Variants in ANKRD55 observed in about 807,000 individuals in gnomAD.
ANKRD55 encodes the protein ankyrin repeat domain-containing protein 55.
A neutral mutation model predicts 60.6 loss-of-function variants in ANKRD55; 41 were observed. That is an observed-to-expected ratio of 0.68 (90% CI 0.53 to 0.88). The LOEUF (loss-of-function observed/expected upper bound fraction) is 0.88. Ranked by LOEUF, ANKRD55 falls within the 40% of genes least tolerant of loss-of-function variation. ANKRD55 has a pLI of 0.00. For synonymous variants in ANKRD55, 264 were observed against 290.3 expected, an observed-to-expected ratio of 0.91 and a Z score of 0.92; for missense variants, 732 against 767.6, an observed-to-expected ratio of 0.95 and a Z score of 0.55.
chr5:56,138,127 C>CTT (rs70995774), intron 7 of ANKRD55, among the ~76,000 whole-genome samples: 1,475 of 129,806 alleles, frequency 0.011, 25 homozygotes, highest in Admixed American at 0.035. Context: ...GTTTCTTTTT[C>CTT]TTTTTTTTTT....
intron 3 of ANKRD55, among the ~76,000 whole-genome samples, chr5:56,179,219 A>G (rs1758806031): frequency 6.6e-6 from 1 of 152,230 alleles, no homozygotes; most frequent in African/African-American, 2.4e-5. Context: ...AAATTAATCC[A>G]GATCCACTTG....
intron 3 of ANKRD55, among the ~76,000 whole-genome samples, chr5:56,182,843 G>C (rs1442671551): frequency 6.6e-6 from 1 of 152,196 alleles, no homozygotes; most frequent in Non-Finnish European, 1.5e-5. Context: ...ATGGCTTTTT[G>C]TGGTGTTTGG....
chr5:56,176,356 T>C (rs1758740151), intron 3 of ANKRD55, 74 bp from the exon 4 acceptor site: 1 of 1,563,518 alleles, frequency 6.4e-7, no homozygotes, highest in Non-Finnish European at 8.8e-7. Context: ...TATTGGCCTG[T>C]TCATTTATTT....
chr5:56,100,467 ATATCTGT>A (rs1274585550), intron 11 of ANKRD55, among the ~76,000 whole-genome samples, 163 bp from the exon 12 acceptor site: 2 of 152,190 alleles, frequency 1.3e-5, no homozygotes, highest in African/African-American at 2.4e-5. Context: ...TCTTGTATAT[ATATCTGT>A]TCAGGCTTGC....
chr5:56,132,910 A>C (rs1054543036), intron 7 of ANKRD55, among the ~76,000 whole-genome samples: 1 of 152,232 alleles, frequency 6.6e-6, no homozygotes, highest in Non-Finnish European at 1.5e-5. Context: ...AAACAAAGAA[A>C]GTTGTTAGGG....
chr5:56,170,578 A>G, intron 5 of ANKRD55, 116 bp downstream of exon 5: 1 of 829,924 alleles, frequency 1.2e-6, no homozygotes, highest in South Asian at 2.0e-5. Context: ...TTCAAAAAAA[A>G]AAAAAGATGG....
chr5:56,232,646 A>G (rs56122385), intron 2 of ANKRD55, among the ~76,000 whole-genome samples: 101 of 152,278 alleles, frequency 6.6e-4, no homozygotes, highest in South Asian at 1.2e-3. Flanking sequence ...TCAGATGCTT[A>G]TCAAACTAGA....
intron 11 of ANKRD55, among the ~76,000 whole-genome samples, chr5:56,101,398 G>A (rs1756268827): frequency 6.9e-6 from 1 of 144,416 alleles, no homozygotes; most frequent in African/African-American, 2.4e-5. Context: ...TGGAGGGGCT[G>A]TGTGTGTGTG....
chr5:56,159,936 G>A lies in ANKRD55; in HGVS notation c.423-43C>T, dbSNP rs199829079. Reference sequence around the variant, plus strand: ...GAGAAATGGCTCAAAATAACAGGCAGTCACGGTGCTCTTGGAATCGGTATA... The same window carrying A: ...GAGAAATGGCTCAAAATAACAGGCAATCACGGTGCTCTTGGAATCGGTATA... On this transcript the variant is annotated intron_variant, in intron 5 of 11. Transcript: ENST00000341048. 18 of 1,555,780 alleles carry A rather than the reference G, an allele frequency of 1.2e-5. No individual in the cohort carries two copies. The East Asian group carries it at 4.0e-4, about 35-fold the overall frequency.
intron 7 of ANKRD55, among the ~76,000 whole-genome samples, chr5:56,127,841 T>C (rs1757316484): frequency 6.6e-6 from 1 of 152,184 alleles, no homozygotes. Context: ...ACTTTTTCTT[T>C]CTCTTCCTAT....
intron 6 of ANKRD55, among the ~76,000 whole-genome samples, chr5:56,148,648 C>G (rs1388896619): frequency 3.7e-5 from 5 of 135,502 alleles, no homozygotes; most frequent in Non-Finnish European, 8.3e-5. Flanking sequence ...ATCAGCTTCT[C>G]AGAACATTTT....
At position 56,116,769 on chromosome 5, in the gene ANKRD55, A is replaced by G. The variant is rs1756900009; in HGVS notation, c.811T>C (p.Trp271Arg). The G allele has an allele frequency of 1.2e-6, 2 of 1,610,120 alleles. No homozygotes were observed. The highest frequency in any genetic ancestry group is 1.7e-6 in the Non-Finnish European group (2 of 1,178,512). The change falls in exon 9 of 12, where the codon TGG becomes CGG. Residue 271 changes from tryptophan (W) to arginine (R), a missense_variant. Trp to Arg is a moderately radical substitution (Grantham distance 101). Coordinates refer to ENST00000341048, the MANE Select transcript of ANKRD55 (RefSeq NM_024669.3). ...LDVDDRTPLHWAAAAGKAECV... is the reference protein window; with the variant it reads ...LDVDDRTPLHRAAAAGKAECV... ...TCGGCCTTCCCTGCAGCTGCAGCCC[A>G]GTGCAGAGGTGTCCTGGAGGGGCCA...
intron 6 of ANKRD55, among the ~76,000 whole-genome samples, chr5:56,150,749 A>T (rs984689790): frequency 3.9e-5 from 6 of 152,002 alleles, no homozygotes; most frequent in Non-Finnish European, 8.8e-5. Context: ...AAATACAAAA[A>T]TTAGCCACGT....
intron 10 of ANKRD55, among the ~76,000 whole-genome samples, chr5:56,105,715 T>C (rs1756440652): frequency 6.6e-6 from 1 of 152,188 alleles, no homozygotes; most frequent in Non-Finnish European, 1.5e-5. Context: ...TTGCCCAGTT[T>C]AGAACCCTGG....
intron 10 of ANKRD55, among the ~76,000 whole-genome samples, chr5:56,106,519 G>A (rs1269517087): frequency 6.7e-6 from 1 of 148,916 alleles, no homozygotes; most frequent in Non-Finnish European, 1.5e-5. Context: ...TGCCTCCTGA[G>A]TTCAAGCGAT....
rs1554038504 is a variant in ANKRD55, at chr5:56,135,290, G to GCCTT, written c.613-8185_613-8184insAAGG. Among the ~76,000 whole-genome samples, 5 of 69,330 alleles carry GCCTT rather than the reference G, an allele frequency of 7.2e-5. 1 individual carries two copies. Among genetic ancestry groups the GCCTT allele is most frequent in the South Asian group, 1.1e-3 (2 of 1,864 alleles). 45.5% of individuals were successfully genotyped at this position (69,330 alleles called of 152,430 possible). On this transcript the variant is annotated intron_variant, in intron 7 of 11. Transcript: ENST00000341048. ...TCCCTCCCTCCCTCCCTGCCTGCCTGCTTGCTTTCTTTCTTTCTTTCTTTC... is the reference window on the plus strand; with the variant it reads ...TCCCTCCCTCCCTCCCTGCCTGCCTGCCTTCTTGCTTTCTTTCTTTCTTTCTTTC...
intron 2 of ANKRD55, among the ~76,000 whole-genome samples, chr5:56,222,242 A>G (rs891977156): frequency 1.3e-5 from 2 of 152,198 alleles, no homozygotes; most frequent in African/African-American, 2.4e-5. Context: ...CAGAGTCTGG[A>G]GTGGACCTCC....
chr5:56,167,961 T>C (rs1758522380), intron 5 of ANKRD55, among the ~76,000 whole-genome samples: 2 of 152,358 alleles, frequency 1.3e-5, no homozygotes, highest in South Asian at 4.1e-4. Context: ...TAATTTTGAC[T>C]GACAAGGCTT....
chr5:56,159,518 C>T (rs569622532), intron 6 of ANKRD55, among the ~76,000 whole-genome samples: 1 of 151,686 alleles, frequency 6.6e-6, no homozygotes, highest in Non-Finnish European at 1.5e-5. Flanking sequence ...GTTTCTGGGA[C>T]TTGAGAAGAC....
Sources: gnomAD v4.1 joint callset for allele counts (sites outside exome capture counted in the v4.1 genomes callset) on GRCh38, gnomAD v4.1.1 for gene constraint, MANE v1.5 for transcripts, NCBI Gene and HGNC (gene_info 2026-07-23, HGNC 2026-07-21) for gene names.